The following ROBO2 variants were observed in gnomAD, a reference collection of about 807,000 sequenced individuals.
ROBO2 encodes the protein roundabout guidance receptor 2, also known as roundabout homolog 2.
Under a neutral mutation model 160.8 loss-of-function variants are expected in ROBO2, and 53 were observed. The ratio of observed to expected loss-of-function variants is 0.33; its 90% CI spans 0.26 to 0.41. The LOEUF (loss-of-function observed/expected upper bound fraction) is 0.41, where lower values mean the gene tolerates loss of function less well. Ranked by LOEUF, ROBO2 falls within the 10% of genes least tolerant of loss-of-function variation. ROBO2 has a pLI of 1.00. For missense variants in ROBO2, 1,577 were observed against 1,722.4 expected (o/e 0.92, Z 1.49); for synonymous variants, 664 against 611.7 (o/e 1.09, Z -1.26).
chr3:77,400,761 C>A (rs1165957810), intron 2 of ROBO2, among the ~76,000 whole-genome samples: 1 of 152,030 alleles, frequency 6.6e-6, no homozygotes, highest in Non-Finnish European at 1.5e-5. Flanking sequence ...CACATCTACT[C>A]CATGAGGTAG....
intron 2 of ROBO2, among the ~76,000 whole-genome samples, chr3:76,806,599 T>C: frequency 6.6e-6 from 1 of 151,982 alleles, no homozygotes; most frequent in East Asian, 1.9e-4. Flanking sequence ...CACTTCAGCT[T>C]CTCAGAGATG....
At chr3:77,471,660 C>G (rs751676934) in intron 2 of ROBO2, among the ~76,000 whole-genome samples, 10 of 152,160 alleles carry the variant, frequency 6.6e-5, no homozygotes, top group Non-Finnish European at 1.5e-4. Context: ...GACATATTAA[C>G]AGGAGAAAAA....
intron 2 of ROBO2, among the ~76,000 whole-genome samples, chr3:77,152,957 A>T (rs2077668745): frequency 6.6e-6 from 1 of 152,086 alleles, no homozygotes; most frequent in African/African-American, 2.4e-5. Context: ...ACTGACAACC[A>T]CTGATCTACT....
At position 77,213,527 on chromosome 3, in the gene ROBO2, CA is replaced by C. The variant is rs553541225; in HGVS notation, c.388+115189del. 5.1e-3 allele frequency among the ~76,000 whole-genome samples: 773 copies of C among 152,180 alleles called. 4 individuals carry two copies. The highest frequency in any genetic ancestry group is 0.01 in the Middle Eastern group (3 of 294). ...AATTTTGTTGATTATTTCAAAAAAC[CA>C]ACTCCTGGATTCATTGATTTTTTGA... On this transcript the variant is annotated intron_variant, in intron 2 of 25. Coordinates refer to ENST00000461745, the Ensembl canonical transcript of ROBO2.
intron 2 of ROBO2, among the ~76,000 whole-genome samples, chr3:76,559,100 T>A (rs2083994703): frequency 6.6e-6 from 1 of 152,144 alleles, no homozygotes; most frequent in Admixed American, 6.6e-5. Context: ...ACATATGCAA[T>A]TCTAAACTCT....
At chr3:77,511,310 T>G (rs2089364229) in intron 5 of ROBO2, among the ~76,000 whole-genome samples, 1 of 151,822 alleles carries the variant, frequency 6.6e-6, no homozygotes, top group South Asian at 2.1e-4. Context: ...TGAAAGGAGT[T>G]CTGGTTTAGG....
intron 2 of ROBO2, among the ~76,000 whole-genome samples, chr3:76,028,054 T>C (rs1369265232): frequency 6.6e-6 from 1 of 151,872 alleles, no homozygotes; most frequent in Non-Finnish European, 1.5e-5. Context: ...CAAGACAAAA[T>C]AAAAGAAAGG....
chr3:76,925,587 A>T (rs1451038683), intron 2 of ROBO2, among the ~76,000 whole-genome samples: 1 of 152,170 alleles, frequency 6.6e-6, no homozygotes, highest in East Asian at 1.9e-4. Flanking sequence ...TTGACTAAAA[A>T]GGGTAGAATA....
chr3:76,388,416 CA>C (rs1378267880), intron 2 of ROBO2, among the ~76,000 whole-genome samples: 1 of 152,026 alleles, frequency 6.6e-6, no homozygotes, highest in African/African-American at 2.4e-5. Context: ...GGACTACAGG[CA>C]CCCGCCGCCA....
intron 2 of ROBO2, among the ~76,000 whole-genome samples, chr3:77,105,690 A>C (rs1287096572): frequency 1.3e-5 from 2 of 152,180 alleles, no homozygotes; most frequent in Non-Finnish European, 2.9e-5. Flanking sequence ...CTGTTGATTG[A>C]ATTAACTGTA....
intron 2 of ROBO2, among the ~76,000 whole-genome samples, chr3:77,180,435 T>TATATATATCTA (rs1491200828): frequency 1.6e-5 from 1 of 63,940 alleles, no homozygotes; most frequent in Non-Finnish European, 3.2e-5. Context: ...TATATATGTA[T>TATATATATCTA]TTTTTTTTTT....
intron 2 of ROBO2, among the ~76,000 whole-genome samples, chr3:77,219,193 C>T (rs1476500823): frequency 7.2e-5 from 11 of 151,788 alleles, no homozygotes; most frequent in African/African-American, 2.4e-4. Flanking sequence ...TGGTCTCGAA[C>T]TCAGCACCTC....
intron 2 of ROBO2, among the ~76,000 whole-genome samples, chr3:76,453,268 G>A (rs949230413): frequency 2.0e-5 from 3 of 152,128 alleles, no homozygotes; most frequent in Non-Finnish European, 4.4e-5. Flanking sequence ...TGTCCTGAAT[G>A]GTAATGCCTA....
At chr3:76,734,959 C>T (rs1218416178) in intron 2 of ROBO2, among the ~76,000 whole-genome samples, 1 of 152,108 alleles carries the variant, frequency 6.6e-6, no homozygotes, top group East Asian at 1.9e-4. Context: ...AAATTCCTCG[C>T]TAGAATGCTT....
At chr3:77,546,830 G>T (rs1007858326) in intron 7 of ROBO2, among the ~76,000 whole-genome samples, 8 of 152,022 alleles carry the variant, frequency 5.3e-5, no homozygotes, top group Non-Finnish European at 5.9e-5. Context: ...GCAGTACTTA[G>T]AACAATCTCT....
intron 2 of ROBO2, among the ~76,000 whole-genome samples, chr3:77,137,136 C>G (rs2076342681): frequency 6.6e-6 from 1 of 152,080 alleles, no homozygotes; most frequent in African/African-American, 2.4e-5. Context: ...TCTCACGACT[C>G]TTATTGCAGA....
chr3:76,844,374 C>A (rs913250858), intron 2 of ROBO2, among the ~76,000 whole-genome samples: 2 of 151,896 alleles, frequency 1.3e-5, no homozygotes. Context: ...ATAGAAAGAT[C>A]TATGTATGTA....
chr3:77,368,461 C>A (rs949253585), intron 2 of ROBO2, among the ~76,000 whole-genome samples: 1 of 152,076 alleles, frequency 6.6e-6, no homozygotes, highest in Non-Finnish European at 1.5e-5. Flanking sequence ...AAAACTTGAG[C>A]ACCAAATTTG....
rs368594178 is a variant in ROBO2, at chr3:76,710,587, A to G, written c.110-387427A>G. Among the ~76,000 whole-genome samples the G allele has an allele frequency of 7.2e-5, 11 of 152,318 alleles. No individual in the cohort carries two copies. The South Asian group carries it at 2.3e-3, about 32-fold the overall frequency. ...TATAGAATGCCTTGGAGTTATGGAG[A>G]CAGAAGTCAGAATACAGCAGGTTGA... On this transcript the variant is annotated intron_variant, in intron 2 of 26. Coordinates refer to the ROBO2 transcript ENST00000487694.
Sources: allele counts gnomAD v4.1 joint callset (sites outside exome capture counted in the v4.1 genomes callset), GRCh38; gene constraint gnomAD v4.1.1; transcripts MANE v1.5; gene names NCBI Gene and HGNC (gene_info 2026-07-23, HGNC 2026-07-21).